Variants in AP5Z1 observed in about 807,000 individuals in gnomAD.
AP5Z1 encodes AP-5 complex subunit zeta-1.
In AP5Z1, 106 loss-of-function variants were observed where a neutral mutation model predicts 83.0. The observed-to-expected ratio is 1.28, with a 90% CI of 1.09 to 1.50. The LOEUF is 1.50. AP5Z1 is among the 40% of genes most tolerant of loss of function. AP5Z1 has a pLI of 0.00. For synonymous variants in AP5Z1, 751 were observed against 514.1 expected (o/e 1.46, Z -6.23); for missense variants, 1,565 against 1,094.2 (o/e 1.43, Z -6.07).
intron 4 of AP5Z1, 73 bp from the exon 5 acceptor site, chr7:4,783,616 C>G: frequency 1.3e-6 from 2 of 1,506,996 alleles, no homozygotes; most frequent in Non-Finnish European, 1.8e-6. Context: ...TGAGAAAAGT[C>G]GGCCAGCATC....
At position 4,784,192 on chromosome 7, in the gene AP5Z1, C is replaced by A. The variant is rs1167308445; in HGVS notation, c.622-11C>A. On this transcript the variant is annotated splice_polypyrimidine_tract_variant and intron_variant, in intron 5 of 16. Coordinates refer to ENST00000649063, the MANE Select transcript of AP5Z1 (RefSeq NM_014855.3). ...GCCCCCTCCGCCCACTCCTGCCTGT[C>A]CTTCCCACAGCCGGGCCCCGTCACC... is the stretch of plus-strand genomic sequence containing the variant. 1 of 1,583,112 alleles carries A rather than the reference C, an allele frequency of 6.3e-7. No individual in the cohort carries two copies. The highest frequency in any genetic ancestry group is 2.3e-5 in the East Asian group (1 of 43,074).
rs183237366 is a variant in AP5Z1, at chr7:4,791,532, C to A, written c.*147C>A. 5.2e-5 allele frequency: 64 copies of A among 1,222,282 alleles called. No homozygotes were observed. In the South Asian group the frequency reaches 9.3e-4, roughly 18 times the overall value. The allele number at this position is 1,222,282 out of a possible 1,614,324, so 75.7% of individuals were successfully genotyped here. ...GGTGGGCTTGGCACCCTCACAGACA[C>A]GCGGGGCTGGCCCCCCTGCTCACCC... On this transcript the variant is annotated 3_prime_UTR_variant, in exon 17 of 17. Coordinates refer to ENST00000649063, the MANE Select transcript of AP5Z1 (RefSeq NM_014855.3).
At chr7:4,790,625 T>TGACCCAGGAGGCCTG in intron 15 of AP5Z1, 34 bp downstream of exon 15, 1 of 1,612,346 alleles carries the variant, frequency 6.2e-7, no homozygotes, top group South Asian at 1.1e-5. Context: ...CAGCCGCTCC[T>TGACCCAGGAGGCCTG]GACCCAGGAG....
At chr7:4,783,947 G>A in intron 5 of AP5Z1, 149 bp downstream of exon 5, 4 of 965,746 alleles carry the variant, frequency 4.1e-6, no homozygotes, top group Non-Finnish European at 6.0e-6. Context: ...GGTCAGGCAG[G>A]GCCACAGCCC....
chr7:4,791,863 C>T lies in AP5Z1; in HGVS notation c.*478C>T, dbSNP rs1781787461. 2 of 160,184 alleles carry T rather than the reference C, an allele frequency of 1.2e-5. No homozygotes were observed. Among genetic ancestry groups the T allele is most frequent in the Non-Finnish European group, 1.4e-5 (1 of 73,314 alleles). The allele number at this position is 160,184 out of a possible 1,614,324, so 9.9% of individuals were successfully genotyped here. A position where few individuals can be genotyped will look rare whatever the true frequency, so the allele number is the denominator to read the frequency against. On this transcript the variant is annotated 3_prime_UTR_variant, in exon 17 of 17. Transcript: ENST00000649063. ...GCTGCTGCCAGTCCTGGAGGCTCAG[C>T]CCGGCGTGCCACTGCTGCTACAGAA...
chr7:4,783,643 C>A lies in AP5Z1; in HGVS notation c.512-46C>A, dbSNP rs201030166. Reference sequence around the variant, plus strand: ...GCCAGCATCCCAACAACCCAGGCATCTGTAGGATTCAACCTCACCTCCCCA... The same window carrying A: ...GCCAGCATCCCAACAACCCAGGCATATGTAGGATTCAACCTCACCTCCCCA... On this transcript the variant is annotated intron_variant, in intron 4 of 16. Coordinates refer to ENST00000649063, the MANE Select transcript of AP5Z1 (RefSeq NM_014855.3). 4.2e-4 allele frequency: 648 copies of A among 1,529,314 alleles called. 2 individuals carry two copies. The African/African-American group carries it at 6.7e-3, about 16-fold the overall frequency. 94.7% of individuals were successfully genotyped at this position (1,529,314 alleles called of 1,614,324 possible).
At chr7:4,777,822 A>G (rs1172165955) in intron 1 of AP5Z1, among the ~76,000 whole-genome samples, 6 of 152,278 alleles carry the variant, frequency 3.9e-5, no homozygotes, top group Admixed American at 3.9e-4. Flanking sequence ...TTAGGGTTTC[A>G]AGAAGGTTAA....
chr7:4,789,806 G>C lies in AP5Z1; in HGVS notation c.1708-26G>C, dbSNP rs1005657506. The C allele has an allele frequency of 1.5e-5, 23 of 1,544,424 alleles. No individual in the cohort carries two copies. In the Middle Eastern group the frequency reaches 1.2e-3, roughly 79 times the overall value. On this transcript the variant is annotated intron_variant, in intron 13 of 16. Transcript: ENST00000649063. Reference sequence around the variant, plus strand: ...GGGCCTGCAGTGGGGGTGGGGCTGAGCCTGTTTCCCACTCCTGACCCCCAG... The same window carrying C: ...GGGCCTGCAGTGGGGGTGGGGCTGACCCTGTTTCCCACTCCTGACCCCCAG...
At position 4,790,617 on chromosome 7, in the gene AP5Z1, G is replaced by A. The variant is rs776062507; in HGVS notation, c.1938+26G>A. On this transcript the variant is annotated intron_variant, in intron 15 of 16. Coordinates refer to ENST00000649063, the MANE Select transcript of AP5Z1 (RefSeq NM_014855.3). ...GTAAGGCGGGCGCTGGCCTCCCACA[G>A]CCGCTCCTGACCCAGGAGGCCTGGG... is the stretch of plus-strand genomic sequence containing the variant. The A allele has an allele frequency of 2.5e-6, 4 of 1,612,412 alleles. No homozygotes were observed. In the Admixed American group the frequency reaches 6.7e-5, roughly 27 times the overall value.
chr7:4,789,951 G>A (rs371344170), intron 14 of AP5Z1, 22 bp downstream of exon 14: 144 of 1,511,650 alleles, frequency 9.5e-5, no homozygotes, highest in Non-Finnish European at 7.9e-5. Flanking sequence ...CTGCGCTCCT[G>A]CCACAGCCCT....
rs1248835246 is a variant in AP5Z1 at position 4,789,855 on chromosome 7, C to G, written c.1731C>G (p.Asn577Lys). 1 of 1,552,618 alleles carries G rather than the reference C, an allele frequency of 6.4e-7. No homozygotes were observed. The highest frequency in any genetic ancestry group is 1.2e-5 in the South Asian group (1 of 84,130). The change falls in exon 14 of 17, where the codon AAC becomes AAG. Residue 577 changes from asparagine to lysine, a missense_variant. Asn to Lys is a moderately conservative substitution (Grantham distance 94). Transcript: ENST00000649063. The part of the protein sequence containing the change: ...VTQVADGSLI[N>K]QLALLLLGRS... Reference sequence around the variant, plus strand: ...AGGTGGCTGACGGGTCCCTGATCAACCAGCTGGCGCTGCTGCTCCTGGGCA... The same window carrying G: ...AGGTGGCTGACGGGTCCCTGATCAAGCAGCTGGCGCTGCTGCTCCTGGGCA...
rs867874487 is a variant in AP5Z1 at position 4,788,449 on chromosome 7, C to T, written c.1595+155C>T. On this transcript the variant is annotated intron_variant, in intron 12 of 16. Coordinates refer to ENST00000649063, the MANE Select transcript of AP5Z1 (RefSeq NM_014855.3). ...CGTCATCACCATTATAGAGGCCCTG[C>T]TTCTGCACCACGGGTCTGCCGGGGG... The T allele has an allele frequency of 9.4e-6, 9 of 955,068 alleles. No homozygotes were observed. In the African/African-American group the frequency reaches 1.3e-4, roughly 14 times the overall value. 59.2% of individuals were successfully genotyped at this position (955,068 alleles called of 1,614,324 possible).
At chr7:4,778,348 A>G (rs1714869463) in intron 1 of AP5Z1, among the ~76,000 whole-genome samples, 1 of 152,106 alleles carries the variant, frequency 6.6e-6, no homozygotes, top group African/African-American at 2.4e-5. Context: ...AAATGGAGAG[A>G]GCGGGAAGCG....
At position 4,785,628 on chromosome 7, in the gene AP5Z1, G is replaced by T; in HGVS notation, c.1076G>T (p.Gly359Val). The part of the protein sequence containing the change: ...CLKALHGRVR[G>V]DPASVRVLLP... ...AAGGCCCTGCACGGGCGGGTGCGCG[G>T]GGACCCGGCCTCTGTGCGGGTGCTG... The change falls in exon 9 of 17, where the codon GGG becomes GTG. Residue 359 changes from glycine (G) to valine (V), a missense_variant. By Grantham distance (109) the Gly-to-Val change is moderately radical. Coordinates refer to ENST00000649063, the MANE Select transcript of AP5Z1 (RefSeq NM_014855.3). The T allele has an allele frequency of 6.4e-7, 1 of 1,573,740 alleles. No homozygotes were observed. Among genetic ancestry groups the T allele is most frequent in the African/African-American group, 1.3e-5 (1 of 74,472 alleles).
At chr7:4,784,179 C>T (rs1257255314) in intron 5 of AP5Z1, 24 bp from the exon 6 acceptor site, 1 of 1,568,186 alleles carries the variant, frequency 6.4e-7, no homozygotes, top group South Asian at 1.2e-5. Flanking sequence ...CCCCTCCGCC[C>T]ACTCCTGCCT....
chr7:4,785,305 C>T (rs1781506284), intron 7 of AP5Z1, 110 bp from the exon 8 acceptor site: 5 of 1,442,228 alleles, frequency 3.5e-6, no homozygotes, highest in African/African-American at 1.4e-5. Context: ...GGGGCCTGTC[C>T]CACCCCCCTG....
In AP5Z1 at chr7:4,787,790, C is replaced by A; in HGVS notation, c.1454+14C>A. 1 of 1,520,924 alleles carries A rather than the reference C, an allele frequency of 6.6e-7. No homozygotes were observed. The highest frequency in any genetic ancestry group is 8.8e-7 in the Non-Finnish European group (1 of 1,135,276). The allele number at this position is 1,520,924 out of a possible 1,614,324, so 94.2% of individuals were successfully genotyped here. ...CCTGCAGCTCAGGTGGGCCCCTCAC[C>A]CTCTGCCAGCGCTGCGTCTCCCAGC... On this transcript the variant is annotated intron_variant, in intron 11 of 16. Coordinates refer to ENST00000649063, the MANE Select transcript of AP5Z1 (RefSeq NM_014855.3).
intron 13 of AP5Z1, among the ~76,000 whole-genome samples, chr7:4,789,425 G>A (rs984894488): frequency 1.3e-5 from 2 of 152,198 alleles, no homozygotes; most frequent in African/African-American, 4.8e-5. Context: ...GGCTCCCACA[G>A]GCTGGTGCCC....
At position 4,775,760 on chromosome 7, in the gene AP5Z1, CG is replaced by C. The variant is rs1401839716; in HGVS notation, c.41+9del. 4 of 1,603,842 alleles carry C rather than the reference CG, an allele frequency of 2.5e-6. No homozygotes were observed. The highest frequency in any genetic ancestry group is 1.7e-5 in the Admixed American group (1 of 59,966). On this transcript the variant is annotated splice_donor_5th_base_variant and intron_variant, in intron 1 of 16. Coordinates refer to ENST00000649063, the MANE Select transcript of AP5Z1 (RefSeq NM_014855.3). ...AGAGTTTGCTCCACCAGGCCAGGTA[CG>C]GGGGAGCTGCGGCCCCGGCCCTCCT...
Sources: gnomAD v4.1 joint callset for allele counts (sites outside exome capture counted in the v4.1 genomes callset) on GRCh38, gnomAD v4.1.1 for gene constraint, MANE v1.5 for transcripts, NCBI Gene and HGNC (gene_info 2026-07-23, HGNC 2026-07-21) for gene names.